Variants in HAO1 observed in about 807,000 individuals in gnomAD.
HAO1 encodes the protein 2-Hydroxyacid oxidase 1.
In HAO1, 34 loss-of-function variants were observed where a neutral mutation model predicts 39.7. The ratio of observed to expected loss-of-function variants is 0.86; its 90% CI spans 0.65 to 1.14. The LOEUF (loss-of-function observed/expected upper bound fraction) is 1.14, where lower values mean the gene tolerates loss of function less well. HAO1 is among the 50% of genes most tolerant of loss of function. The probability of loss-of-function intolerance (pLI) is 0.00; values close to 1 mark genes in which losing one functional copy is unlikely to be tolerated. For synonymous variants in HAO1, 172 were observed against 173.2 expected, an observed-to-expected ratio of 0.99 and a Z score of 0.05; for missense variants, 479 against 464.5, an observed-to-expected ratio of 1.03 and a Z score of -0.29.
At chr20:7,892,778 A>AAT (rs1240346526) in intron 5 of HAO1, among the ~76,000 whole-genome samples, 12 of 152,062 alleles carry the variant, frequency 7.9e-5, no homozygotes, top group South Asian at 4.2e-4. Context: ...ATAGATAGTA[A>AAT]ATATATATAT....
intron 4 of HAO1, among the ~76,000 whole-genome samples, chr20:7,898,026 A>T (rs1189830961): frequency 6.6e-6 from 1 of 152,136 alleles, no homozygotes; most frequent in Non-Finnish European, 1.5e-5. Flanking sequence ...ATCATGTCAT[A>T]TTGGAAATGC....
At chr20:7,939,071 G>A (rs2235241) in intron 1 of HAO1, among the ~76,000 whole-genome samples, 11,193 of 152,028 alleles carry the variant, frequency 0.074, 528 homozygotes, top group East Asian at 0.2. Context: ...AGTTAATATC[G>A]GCCCAAGAAG....
chr20:7,926,343 G>A (rs1192614592), intron 2 of HAO1, among the ~76,000 whole-genome samples: 3 of 152,126 alleles, frequency 2.0e-5, no homozygotes, highest in African/African-American at 7.2e-5. Context: ...CTCCACTTCA[G>A]AAAGAGTAAA....
intron 2 of HAO1, among the ~76,000 whole-genome samples, chr20:7,919,604 A>T (rs1332488348): frequency 6.6e-6 from 1 of 152,186 alleles, no homozygotes; most frequent in Non-Finnish European, 1.5e-5. Flanking sequence ...CCATCCATGA[A>T]GTACGTTCTA....
Position 7,924,987 on chromosome 20 carries a change from T to C in HAO1, c.289+9497A>G, listed in dbSNP as rs142005835. On this transcript the variant is annotated intron_variant, in intron 2 of 7. Transcript: ENST00000378789. ...GTTCTAAACTCAGGGCCTGTCATAG[T>C]GAAGTGTTTGTATAACTGTGCACCA... 9.9e-5 allele frequency among the ~76,000 whole-genome samples: 15 copies of C among 152,264 alleles called. No individual in the cohort carries two copies. The East Asian group carries it at 2.7e-3, about 27-fold the overall frequency.
At chr20:7,909,691 A>G (rs999057413) in intron 3 of HAO1, among the ~76,000 whole-genome samples, 1 of 151,926 alleles carries the variant, frequency 6.6e-6, no homozygotes. Flanking sequence ...AACCAATAGT[A>G]ACACTATTAA....
chr20:7,921,044 A>G (rs927852595), intron 2 of HAO1, among the ~76,000 whole-genome samples: 3 of 148,182 alleles, frequency 2.0e-5, no homozygotes, highest in Admixed American at 1.3e-4. Flanking sequence ...TGTATATCTA[A>G]TGAGTGCTAA....
chr20:7,902,413 G>A (rs1311750934), intron 4 of HAO1, among the ~76,000 whole-genome samples: 3 of 152,180 alleles, frequency 2.0e-5, no homozygotes, highest in Non-Finnish European at 2.9e-5. Context: ...ACTACAACTC[G>A]CTGAAGACTC....
intron 2 of HAO1, among the ~76,000 whole-genome samples, chr20:7,932,899 T>TTTGA (rs1294679108): frequency 6.6e-6 from 1 of 152,198 alleles, no homozygotes; most frequent in Non-Finnish European, 1.5e-5. Context: ...TTTTTAGAGC[T>TTTGA]TTGATATACA....
chr20:7,937,902 C>T (rs1223409332), intron 1 of HAO1, among the ~76,000 whole-genome samples: 4 of 152,080 alleles, frequency 2.6e-5, no homozygotes, highest in Admixed American at 2.0e-4. Flanking sequence ...AGTCTGAAGT[C>T]TTACCCAAAA....
intron 1 of HAO1, among the ~76,000 whole-genome samples, chr20:7,936,373 T>A (rs549490184): frequency 1.4e-4 from 22 of 152,222 alleles, no homozygotes; most frequent in South Asian, 2.1e-4. Flanking sequence ...AGTGTGTTAT[T>A]AGAATGAGAG....
intron 5 of HAO1, among the ~76,000 whole-genome samples, chr20:7,890,594 G>A (rs978529341): frequency 3.9e-5 from 6 of 151,972 alleles, no homozygotes; most frequent in African/African-American, 1.5e-4. Context: ...GTGGTATTTG[G>A]TTATATGAGT....
At chr20:7,919,136 T>G (rs1378682787) in intron 2 of HAO1, among the ~76,000 whole-genome samples, 1 of 152,176 alleles carries the variant, frequency 6.6e-6, no homozygotes, top group African/African-American at 2.4e-5. Flanking sequence ...TGAAGTTCCC[T>G]AATGTTGATC....
chr20:7,890,771 C>T (rs2050170899), intron 5 of HAO1, among the ~76,000 whole-genome samples: 1 of 152,154 alleles, frequency 6.6e-6, no homozygotes, highest in South Asian at 2.1e-4. Context: ...TAGCTTAGCT[C>T]CCACATATCA....
At chr20:7,924,614 C>T (rs965747448) in intron 2 of HAO1, among the ~76,000 whole-genome samples, 2 of 152,004 alleles carry the variant, frequency 1.3e-5, no homozygotes, top group African/African-American at 4.8e-5. Flanking sequence ...TCATATGGGA[C>T]TAATCATATA....
intron 3 of HAO1, among the ~76,000 whole-genome samples, chr20:7,911,243 G>C (rs973395349): frequency 6.6e-6 from 1 of 152,168 alleles, no homozygotes; most frequent in African/African-American, 2.4e-5. Context: ...GTGGCAGGCT[G>C]ATCTGTTTTA....
chr20:7,926,817 T>G (rs2050361190), intron 2 of HAO1, among the ~76,000 whole-genome samples: 1 of 152,088 alleles, frequency 6.6e-6, no homozygotes, highest in African/African-American at 2.4e-5. Flanking sequence ...TCAAATCCAG[T>G]GTGGTAGCCT....
intron 3 of HAO1, among the ~76,000 whole-genome samples, chr20:7,911,198 C>A (rs2050277995): frequency 6.6e-6 from 1 of 152,176 alleles, no homozygotes. Context: ...TACTTTAAAG[C>A]AGGCCACTTT....
chr20:7,935,683 C>T (rs2050406848), intron 1 of HAO1, among the ~76,000 whole-genome samples: 3 of 152,148 alleles, frequency 2.0e-5, no homozygotes, highest in African/African-American at 7.2e-5. Flanking sequence ...TGTGATTCTT[C>T]TGTGTTGGAA....
Sources: allele counts gnomAD v4.1 joint callset (sites outside exome capture counted in the v4.1 genomes callset), GRCh38; gene constraint gnomAD v4.1.1; transcripts MANE v1.5; gene names NCBI Gene and HGNC (gene_info 2026-07-23, HGNC 2026-07-21).